The following PTPRC variants were observed in gnomAD, a reference collection of about 807,000 sequenced individuals.
PTPRC encodes the protein receptor-type tyrosine-protein phosphatase C.
Under a neutral mutation model 155.9 loss-of-function variants are expected in PTPRC, and 44 were observed. That is an observed-to-expected ratio of 0.28 (90% CI 0.22 to 0.36). The LOEUF is 0.36. Among genes scored for constraint, PTPRC ranks in the 10% least tolerant of loss-of-function variants. The probability of loss-of-function intolerance (pLI) is 1.00; values close to 1 mark genes in which losing one functional copy is unlikely to be tolerated. For missense variants in PTPRC, 1,401 were observed against 1,564.6 expected (o/e 0.90, Z 1.76); for synonymous variants, 525 against 533.1 (o/e 0.98, Z 0.21).
At chr1:198,744,498 C>A (rs1486867013) in intron 26 of PTPRC, among the ~76,000 whole-genome samples, 1 of 151,798 alleles carries the variant, frequency 6.6e-6, no homozygotes, top group Non-Finnish European at 1.5e-5. Flanking sequence ...TATATAGCCA[C>A]AAAACTGGTC....
At chr1:198,738,390 A>G (rs1654746877) in intron 23 of PTPRC, among the ~76,000 whole-genome samples, 1 of 151,784 alleles carries the variant, frequency 6.6e-6, no homozygotes, top group Admixed American at 6.6e-5. Context: ...ATAATTTTTC[A>G]GCATCAATTG....
At chr1:198,660,864 C>T (rs536421634) in intron 2 of PTPRC, among the ~76,000 whole-genome samples, 11 of 152,180 alleles carry the variant, frequency 7.2e-5, no homozygotes, top group Middle Eastern at 3.4e-3. Context: ...CCAAAACTGC[C>T]GCTCCTAACC....
Position 198,729,276 on chromosome 1 carries a change from C to T in PTPRC, c.1864+105C>T, listed in dbSNP as rs1654282647. On this transcript the variant is annotated intron_variant, in intron 17 of 32. Transcript: ENST00000442510. ...ATTTATTTTAAGACAGAGTCTCATTCTGTCTCCCAGGCTGAAGTGTGGTGG... is the reference window on the plus strand; with the variant it reads ...ATTTATTTTAAGACAGAGTCTCATTTTGTCTCCCAGGCTGAAGTGTGGTGG... 6 of 1,317,450 alleles carry T rather than the reference C, an allele frequency of 4.6e-6. No homozygotes were observed. The Admixed American group carries it at 7.8e-5, about 17-fold the overall frequency. The allele number at this position is 1,317,450 out of a possible 1,614,324, so 81.6% of individuals were successfully genotyped here.
At chr1:198,667,098 T>G (rs536659098) in intron 2 of PTPRC, 1 of 152,360 alleles carries the variant, frequency 6.6e-6, no homozygotes, top group South Asian at 2.1e-4. Context: ...TCCACACCTT[T>G]CATCACATTC....
intron 2 of PTPRC, among the ~76,000 whole-genome samples, chr1:198,656,816 A>G (rs193133196): frequency 6.6e-6 from 1 of 152,020 alleles, no homozygotes; most frequent in African/African-American, 2.4e-5. Context: ...CAGGTTGGTT[A>G]TGTTCTGCCA....
chr1:198,648,454 G>A (rs896756499), intron 2 of PTPRC, among the ~76,000 whole-genome samples: 9 of 151,536 alleles, frequency 5.9e-5, no homozygotes, highest in African/African-American at 1.5e-4. Flanking sequence ...TTTTCCACTC[G>A]GTTACTCAAT....
At chr1:198,640,528 T>C (rs957772254) in intron 2 of PTPRC, among the ~76,000 whole-genome samples, 2 of 151,966 alleles carry the variant, frequency 1.3e-5, no homozygotes, top group African/African-American at 4.8e-5. Context: ...CAAAGGTGAA[T>C]TTTTTAAAAA....
At position 198,756,273 on chromosome 1, in the gene PTPRC, T is replaced by C. The variant is rs1185410064; in HGVS notation, c.*92T>C. ...GAAGTGAAAATAGGTATACAGTGGA[T>C]TAATTAAATGCAGCGAACCAATATT... On this transcript the variant is annotated 3_prime_UTR_variant, in exon 33 of 33. Coordinates refer to ENST00000442510, the MANE Select transcript of PTPRC (RefSeq NM_002838.5). The C allele has an allele frequency of 6.8e-7, 1 of 1,479,052 alleles. No homozygotes were observed. Among genetic ancestry groups the C allele is most frequent in the African/African-American group, 1.4e-5 (1 of 71,384 alleles). 91.6% of individuals were successfully genotyped at this position (1,479,052 alleles called of 1,614,324 possible). A position where few individuals can be genotyped will look rare whatever the true frequency, so the allele number is the denominator to read the frequency against.
At chr1:198,693,700 G>T (rs1398869032) in intron 3 of PTPRC, among the ~76,000 whole-genome samples, 1 of 152,194 alleles carries the variant, frequency 6.6e-6, no homozygotes, top group Non-Finnish European at 1.5e-5. Flanking sequence ...GCAAAGTGGA[G>T]GTTCAAGAAC....
chr1:198,685,954 C>CTT (rs143457304), intron 2 of PTPRC, among the ~76,000 whole-genome samples: 40 of 145,406 alleles, frequency 2.8e-4, no homozygotes, highest in African/African-American at 8.5e-4. Flanking sequence ...ATTTTTTTTT[C>CTT]TTTTTTTTTT....
At chr1:198,713,866 A>G (rs1035562084) in intron 12 of PTPRC, among the ~76,000 whole-genome samples, 2 of 152,152 alleles carry the variant, frequency 1.3e-5, no homozygotes, top group Admixed American at 6.5e-5. Context: ...CCAGACATAC[A>G]CTTCAAAACT....
chr1:198,655,362 G>A (rs949036712), intron 2 of PTPRC, among the ~76,000 whole-genome samples: 4 of 151,860 alleles, frequency 2.6e-5, no homozygotes, highest in Non-Finnish European at 2.9e-5. Flanking sequence ...CTATTTCAAC[G>A]CATCTATTTT....
chr1:198,693,702 T>A (rs1666049143), intron 3 of PTPRC, among the ~76,000 whole-genome samples: 1 of 151,848 alleles, frequency 6.6e-6, no homozygotes, highest in African/African-American at 2.4e-5. Context: ...AAAGTGGAGG[T>A]TCAAGAACAA....
Position 198,729,245 on chromosome 1 carries a change from A to G in PTPRC, c.1864+74A>G, listed in dbSNP as rs1571876058. The G allele has an allele frequency of 3.5e-6, 5 of 1,410,384 alleles. No individual in the cohort carries two copies. In the East Asian group the frequency reaches 1.1e-4, roughly 31 times the overall value. 87.4% of individuals were successfully genotyped at this position (1,410,384 alleles called of 1,614,324 possible). ...ATCCATTCATTTTATTTATTTATTTATTTATATTTATTTTAAGACAGAGTC... is the reference window on the plus strand; with the variant it reads ...ATCCATTCATTTTATTTATTTATTTGTTTATATTTATTTTAAGACAGAGTC... On this transcript the variant is annotated intron_variant, in intron 17 of 32. Transcript: ENST00000442510.
intron 3 of PTPRC, 110 bp downstream of exon 3, chr1:198,692,483 T>G: frequency 8.7e-7 from 1 of 1,150,306 alleles, no homozygotes; most frequent in Non-Finnish European, 1.1e-6. Context: ...AAGGATAAAT[T>G]TTATAATCAT....
chr1:198,681,899 A>C (rs1442098449), intron 2 of PTPRC, among the ~76,000 whole-genome samples: 1 of 152,236 alleles, frequency 6.6e-6, no homozygotes, highest in Non-Finnish European at 1.5e-5. Flanking sequence ...AGGCAGCTTC[A>C]ACGTCAACTA....
chr1:198,688,439 C>A (rs959527363), intron 2 of PTPRC, among the ~76,000 whole-genome samples: 1 of 152,076 alleles, frequency 6.6e-6, no homozygotes, highest in East Asian at 1.9e-4. Context: ...ATTATTCTGT[C>A]CTCTAGCTCC....
intron 26 of PTPRC, among the ~76,000 whole-genome samples, chr1:198,747,859 G>C (rs1010690594): frequency 2.0e-5 from 3 of 151,792 alleles, no homozygotes; most frequent in African/African-American, 7.3e-5. Context: ...CTATCAAGCA[G>C]CTCTGAAGAA....
intron 28 of PTPRC, 113 bp downstream of exon 28, chr1:198,749,662 T>A (rs1655293346): frequency 1.0e-6 from 1 of 984,534 alleles, no homozygotes; most frequent in African/African-American, 1.6e-5. Context: ...TGGTCATAAC[T>A]ACATATAGAT....
Sources: gnomAD v4.1 joint callset for allele counts (sites outside exome capture counted in the v4.1 genomes callset) on GRCh38, gnomAD v4.1.1 for gene constraint, MANE v1.5 for transcripts, NCBI Gene and HGNC (gene_info 2026-07-23, HGNC 2026-07-21) for gene names.